The following CAB39L variants were observed in gnomAD, a reference collection of about 807,000 sequenced individuals.
CAB39L encodes calcium binding protein 39 like, also known as calcium-binding protein 39-like.
In CAB39L, 23 loss-of-function variants were observed where a neutral mutation model predicts 39.1. The ratio of observed to expected loss-of-function variants is 0.59; its 90% CI spans 0.42 to 0.83. The LOEUF (loss-of-function observed/expected upper bound fraction) is 0.83. Among genes scored for constraint, CAB39L ranks in the 40% least tolerant of loss-of-function variants. The pLI is 0.00. For missense variants in CAB39L, 366 were observed against 391.9 expected (o/e 0.93, Z 0.56); for synonymous variants, 126 against 137.2 (o/e 0.92, Z 0.57).
At chr13:49,407,914 T>C (rs146575856) in intron 3 of CAB39L, among the ~76,000 whole-genome samples, 63 of 144,902 alleles carry the variant, frequency 4.3e-4, no homozygotes, top group Admixed American at 7.6e-4. Context: ...CAGAAGCAAA[T>C]GCTATGTGAA....
chr13:49,428,947 G>T (rs1212628759), intron 3 of CAB39L, among the ~76,000 whole-genome samples: 6 of 151,986 alleles, frequency 3.9e-5, no homozygotes, highest in Non-Finnish European at 8.8e-5. Context: ...GAAATTAAAT[G>T]GTTTACTTCA....
chr13:49,319,210 C>T (rs1299701020), intron 10 of CAB39L, among the ~76,000 whole-genome samples: 1 of 152,142 alleles, frequency 6.6e-6, no homozygotes, highest in African/African-American at 2.4e-5. Context: ...TGCCACTGTA[C>T]TCCAGCCTGG....
chr13:49,335,963 C>G (rs1216192886), intron 9 of CAB39L, among the ~76,000 whole-genome samples: 1 of 152,088 alleles, frequency 6.6e-6, no homozygotes, highest in Non-Finnish European at 1.5e-5. Context: ...AATCTAACCT[C>G]TCTTGTTTCC....
intron 3 of CAB39L, among the ~76,000 whole-genome samples, chr13:49,395,321 C>T (rs565946376): frequency 6.6e-5 from 10 of 151,722 alleles, no homozygotes; most frequent in African/African-American, 1.9e-4. Flanking sequence ...CTGCAACCTC[C>T]GCCCCCCGGG....
intron 10 of CAB39L, 92 bp downstream of exon 10, chr13:49,331,855 A>C (rs1263519188): frequency 8.7e-7 from 1 of 1,149,554 alleles, no homozygotes; most frequent in African/African-American, 1.5e-5. Flanking sequence ...TTTTCTTTCA[A>C]GTATGAAGGA....
intron 1 of CAB39L, among the ~76,000 whole-genome samples, chr13:49,441,223 A>G (rs573787882): frequency 3.6e-4 from 36 of 99,734 alleles, no homozygotes; most frequent in African/African-American, 5.4e-4. Context: ...GATTTAGTGT[A>G]TATATATATA....
At chr13:49,418,458 G>T (rs1481114437) in intron 3 of CAB39L, among the ~76,000 whole-genome samples, 1 of 152,176 alleles carries the variant, frequency 6.6e-6, no homozygotes, top group African/African-American at 2.4e-5. Flanking sequence ...TAATTGTGAG[G>T]ATAGTTACAC....
intron 3 of CAB39L, among the ~76,000 whole-genome samples, chr13:49,391,298 C>T (rs998165167): frequency 7.2e-5 from 11 of 151,820 alleles, no homozygotes; most frequent in African/African-American, 2.7e-4. Flanking sequence ...TACCTAAGGA[C>T]AAAGATGGTG....
chr13:49,329,512 T>C (rs1459990475), intron 10 of CAB39L, among the ~76,000 whole-genome samples: 1 of 130,940 alleles, frequency 7.6e-6, no homozygotes, highest in African/African-American at 2.9e-5. Context: ...TCCCCATACC[T>C]TGTCCTACAT....
At chr13:49,405,672 G>A (rs12429633) in intron 3 of CAB39L, among the ~76,000 whole-genome samples, 61,944 of 146,984 alleles carry the variant, frequency 0.42, 13,267 homozygotes, top group Middle Eastern at 0.53. Flanking sequence ...TCCAGCCTGG[G>A]TGACAGAGCA....
intron 3 of CAB39L, among the ~76,000 whole-genome samples, chr13:49,417,574 G>A (rs1001513605): frequency 6.6e-6 from 1 of 152,074 alleles, no homozygotes; most frequent in Non-Finnish European, 1.5e-5. Flanking sequence ...ATCTAAATTG[G>A]ACTCAGGCAC....
chr13:49,385,009 G>A (rs1956326727), intron 3 of CAB39L, among the ~76,000 whole-genome samples: 1 of 152,190 alleles, frequency 6.6e-6, no homozygotes, highest in Admixed American at 6.5e-5. Flanking sequence ...TAACTAGAGA[G>A]TCAGCTTGTC....
At chr13:49,319,407 GA>G (rs1954284315) in intron 10 of CAB39L, among the ~76,000 whole-genome samples, 1 of 152,076 alleles carries the variant, frequency 6.6e-6, no homozygotes, top group Non-Finnish European at 1.5e-5. Flanking sequence ...CATGGAGCCA[GA>G]AAGCAGACTA....
chr13:49,346,881 T>C (rs1209128280), intron 7 of CAB39L, among the ~76,000 whole-genome samples: 2 of 152,198 alleles, frequency 1.3e-5, no homozygotes, highest in Non-Finnish European at 2.9e-5. Context: ...AAAGAGATTA[T>C]GGTTGTATGG....
chr13:49,396,395 T>C (rs1218238899), intron 3 of CAB39L, among the ~76,000 whole-genome samples: 1 of 151,782 alleles, frequency 6.6e-6, no homozygotes, highest in African/African-American at 2.4e-5. Flanking sequence ...AAAATTAAAA[T>C]AAACCTACCA....
intron 1 of CAB39L, among the ~76,000 whole-genome samples, chr13:49,442,434 GACAAGCCAACTGGAAGAT>G (rs1346208924): frequency 6.6e-6 from 1 of 152,094 alleles, no homozygotes; most frequent in Non-Finnish European, 1.5e-5. Flanking sequence ...CATGCATTTT[GACAAGCCAACTGGAAGAT>G]ACAAGTCAAG....
chr13:49,356,497 C>G (rs1955488731), intron 6 of CAB39L, among the ~76,000 whole-genome samples: 1 of 152,146 alleles, frequency 6.6e-6, no homozygotes, highest in Non-Finnish European at 1.5e-5. Context: ...AGAACTTGGG[C>G]TCCAAATACA....
chr13:49,337,157 T>C (rs1427778766), intron 9 of CAB39L, among the ~76,000 whole-genome samples: 1 of 152,236 alleles, frequency 6.6e-6, no homozygotes, highest in African/African-American at 2.4e-5. Flanking sequence ...TTTATTGTCT[T>C]AGTTTAAAAT....
At chr13:49,382,500 A>T (rs1182059178) in intron 4 of CAB39L, 1 of 177,440 alleles carries the variant, frequency 5.6e-6, no homozygotes, top group African/African-American at 2.4e-5. Context: ...TTTAAATAAA[A>T]ACTTTTTACC....
Sources: gnomAD v4.1 joint callset for allele counts (sites outside exome capture counted in the v4.1 genomes callset) on GRCh38, gnomAD v4.1.1 for gene constraint, MANE v1.5 for transcripts, NCBI Gene and HGNC (gene_info 2026-07-23, HGNC 2026-07-21) for gene names.